SSX2IP: variants seen among roughly 807,000 people sequenced by gnomAD.
The protein encoded by SSX2IP is SSX family member 2 interacting protein.
A neutral mutation model predicts 84.9 loss-of-function variants in SSX2IP; 55 were observed. The ratio of observed to expected loss-of-function variants is 0.65; its 90% CI spans 0.52 to 0.81. SSX2IP has a LOEUF of 0.81. Among genes scored for constraint, SSX2IP ranks in the 30% least tolerant of loss-of-function variants. The pLI, the probability that SSX2IP is intolerant of heterozygous loss-of-function variation, is 0.00. For synonymous variants in SSX2IP, 239 were observed against 234.7 expected, an observed-to-expected ratio of 1.02 and a Z score of -0.17; for missense variants, 664 against 705.2, an observed-to-expected ratio of 0.94 and a Z score of 0.66.
chr1:84,672,457 G>A (rs771803792), intron 1 of SSX2IP, among the ~76,000 whole-genome samples: 1 of 151,978 alleles, frequency 6.6e-6, no homozygotes, highest in Admixed American at 6.6e-5. Context: ...TGGGAAAGGG[G>A]AGTGGCTAGA....
chr1:84,648,944 A>G (rs1433077185), intron 13 of SSX2IP, among the ~76,000 whole-genome samples: 2 of 152,142 alleles, frequency 1.3e-5, no homozygotes, highest in African/African-American at 4.8e-5. Context: ...GTGCCTCCTA[A>G]CTGGATTTCC....
chr1:84,682,642 C>T (rs1337408550), intron 1 of SSX2IP, among the ~76,000 whole-genome samples: 1 of 151,680 alleles, frequency 6.6e-6, no homozygotes, highest in Non-Finnish European at 1.5e-5. Flanking sequence ...GTAGCTGGGA[C>T]TACAGGCGCA....
intron 12 of SSX2IP, among the ~76,000 whole-genome samples, chr1:84,651,109 G>A (rs1650180144): frequency 6.6e-6 from 1 of 152,164 alleles, no homozygotes; most frequent in African/African-American, 2.4e-5. Flanking sequence ...TAAGCCAGGA[G>A]TTTGAGACCA....
At chr1:84,679,567 G>T (rs939500528) in intron 1 of SSX2IP, among the ~76,000 whole-genome samples, 1 of 152,122 alleles carries the variant, frequency 6.6e-6, no homozygotes, top group Non-Finnish European at 1.5e-5. Context: ...AGAGGCCCGG[G>T]TCAACAGACT....
At chr1:84,687,003 C>A (rs931094729) in intron 1 of SSX2IP, among the ~76,000 whole-genome samples, 25 of 152,142 alleles carry the variant, frequency 1.6e-4, no homozygotes, top group Admixed American at 7.9e-4. Flanking sequence ...AAAATCCTGT[C>A]TTTAAAGTCT....
chr1:84,680,804 A>T (rs931230818), intron 1 of SSX2IP, among the ~76,000 whole-genome samples: 1 of 152,198 alleles, frequency 6.6e-6, no homozygotes, highest in Admixed American at 6.5e-5. Context: ...TTCTTTATGT[A>T]CTTTCATGCA....
chr1:84,662,602 T>C, intron 6 of SSX2IP, 72 bp from the exon 7 acceptor site: 16 of 1,489,022 alleles, frequency 1.1e-5, no homozygotes, highest in Non-Finnish European at 1.5e-5. Flanking sequence ...ATGCATTCTA[T>C]ACACGTAAGT....
intron 1 of SSX2IP, among the ~76,000 whole-genome samples, chr1:84,683,482 C>A (rs1655366264): frequency 6.6e-6 from 1 of 152,204 alleles, no homozygotes; most frequent in Admixed American, 6.5e-5. Context: ...ACTGCCATCC[C>A]TTCTCTCTGT....
At chr1:84,656,082 G>A in intron 10 of SSX2IP, 77 bp from the exon 11 acceptor site, 2 of 1,319,324 alleles carry the variant, frequency 1.5e-6, no homozygotes, top group Non-Finnish European at 2.1e-6. Flanking sequence ...AGCAAGGGAA[G>A]GCCAGTCAAA....
intron 13 of SSX2IP, chr1:84,649,612 C>T (rs1307490510): frequency 5.7e-6 from 1 of 175,852 alleles, no homozygotes; most frequent in Non-Finnish European, 1.2e-5. Context: ...TTTTCCAAGG[C>T]CATTATCTCC....
chr1:84,650,484 T>C lies in SSX2IP; in HGVS notation c.1548A>G (p.Gln516=), dbSNP rs766848913. The C allele has an allele frequency of 1.2e-6, 2 of 1,614,056 alleles. No homozygotes were observed. The highest frequency in any genetic ancestry group is 4.5e-5 in the East Asian group (2 of 44,894). Residue 516 remains glutamine (Q), a synonymous_variant, in exon 13 of 14, where the codon CAA becomes CAG. Coordinates refer to ENST00000342203, the MANE Select transcript of SSX2IP (RefSeq NM_001166293.2). ...DNLIVHSRQP[Q]KKPHSVSNGS... is the part of the protein sequence containing the mutation. ...CATTAGACACACTGTGAGGCTTCTT[T>C]TGCGGCTGCCTCGAGTGCACTATAA...
rs933170619 is a variant in SSX2IP at position 84,647,286 on chromosome 1, A to G, written c.*147T>C. On this transcript the variant is annotated 3_prime_UTR_variant, in exon 14 of 14. Transcript: ENST00000342203. ...CCTTTTAAATAGATTTAAGATTTCA[A>G]CTCTTTGGGGGAAGACAGGGAAGTC... 5.0e-6 allele frequency: 3 copies of G among 596,240 alleles called. No individual in the cohort carries two copies. In the African/African-American group the frequency reaches 5.7e-5, roughly 11 times the overall value. The allele number at this position is 596,240 out of a possible 1,614,324, so 36.9% of individuals were successfully genotyped here. A position where few individuals can be genotyped will look rare whatever the true frequency, so the allele number is the denominator to read the frequency against.
chr1:84,649,905 A>G (rs1430016029), intron 13 of SSX2IP: 2 of 529,258 alleles, frequency 3.8e-6, no homozygotes, highest in Non-Finnish European at 7.5e-6. Flanking sequence ...TTGGGCACAA[A>G]TCTTTTTCAC....
rs547917277 is a variant in SSX2IP, at chr1:84,674,295, ATC to A, written c.-89-2989_-89-2988del. 1.3e-4 allele frequency among the ~76,000 whole-genome samples: 20 copies of A among 152,056 alleles called. No homozygotes were observed. In the South Asian group the frequency reaches 3.8e-3, roughly 29 times the overall value. ...ACATAAGCTAATATTAATCATCATC[ATC>A]ATTATTATCTAGACACAGGGCTATT... is the stretch of plus-strand genomic sequence containing the variant. On this transcript the variant is annotated intron_variant, in intron 1 of 13. Transcript: ENST00000342203.
At chr1:84,655,286 CT>C (rs1224100192) in intron 11 of SSX2IP, 2 of 1,048,720 alleles carry the variant, frequency 1.9e-6, no homozygotes, top group Non-Finnish European at 2.3e-6. Flanking sequence ...TACTTTGTAG[CT>C]TTTTTTAATG....
intron 1 of SSX2IP, among the ~76,000 whole-genome samples, chr1:84,688,251 G>C (rs1656065356): frequency 6.6e-6 from 1 of 151,954 alleles, no homozygotes; most frequent in South Asian, 2.1e-4. Context: ...CCATAAACTC[G>C]TGAATTCAAG....
chr1:84,666,645 G>C (rs368351406), intron 4 of SSX2IP, among the ~76,000 whole-genome samples: 2 of 152,052 alleles, frequency 1.3e-5, no homozygotes, highest in Non-Finnish European at 2.9e-5. Context: ...AGAAGCAAAA[G>C]TGATTTGGAG....
At chr1:84,657,766 C>T (rs1651337993) in intron 9 of SSX2IP, among the ~76,000 whole-genome samples, 1 of 152,166 alleles carries the variant, frequency 6.6e-6, no homozygotes, top group African/African-American at 2.4e-5. Flanking sequence ...TCCATGATGT[C>T]CTCTTTTCAA....
chr1:84,672,151 C>T (rs888026695), intron 1 of SSX2IP, among the ~76,000 whole-genome samples: 2 of 152,044 alleles, frequency 1.3e-5, no homozygotes, highest in Non-Finnish European at 2.9e-5. Context: ...AAATATTTCT[C>T]CATCATAAGA....
Sources: allele counts gnomAD v4.1 joint callset (sites outside exome capture counted in the v4.1 genomes callset), GRCh38; gene constraint gnomAD v4.1.1; transcripts MANE v1.5; gene names NCBI Gene and HGNC (gene_info 2026-07-23, HGNC 2026-07-21).